Variants in KRT33B observed in about 807,000 individuals in gnomAD.
KRT33B encodes the protein keratin, type I cuticular Ha3-II.
In KRT33B, 37 loss-of-function variants were observed where a neutral mutation model predicts 42.7. The observed-to-expected ratio is 0.87, with a 90% confidence interval of 0.67 to 1.14. The LOEUF (loss-of-function observed/expected upper bound fraction) is 1.14. KRT33B is among the 50% of genes most tolerant of loss of function. The probability of loss-of-function intolerance (pLI) is 0.00; values close to 1 mark genes in which losing one functional copy is unlikely to be tolerated. For synonymous variants in KRT33B, 237 were observed against 221.2 expected, an observed-to-expected ratio of 1.07 and a Z score of -0.63; for missense variants, 523 against 515.1, an observed-to-expected ratio of 1.02 and a Z score of -0.15.
At position 41,369,765 on chromosome 17, in the gene KRT33B, G is replaced by C. The variant is rs199935732; in HGVS notation, c.-15C>G. The C allele has an allele frequency of 3.7e-4, 599 of 1,608,426 alleles. 3 individuals are homozygous for C. In the African/African-American group the frequency reaches 7.0e-3, roughly 19 times the overall value. The stretch of plus-strand genomic sequence containing the variant: ...TTGTAGGGCATGGTGCAGGGAGGCA[G>C]TGGAGCTCTGGAAGTCAGTTTCAAA... On this transcript the variant is annotated 5_prime_UTR_variant, in exon 1 of 7. Transcript: ENST00000251646.
In KRT33B at chr17:41,369,441, G is replaced by T. The variant is rs772594659; in HGVS notation, c.310C>A (p.Gln104Lys). 1 of 1,613,394 alleles carries T rather than the reference G, an allele frequency of 6.2e-7. No homozygotes were observed. The highest frequency in any genetic ancestry group is 1.3e-5 in the African/African-American group (1 of 74,234). The change falls in exon 1 of 7, where the codon CAG (glutamine) becomes AAG (lysine). Residue 104 changes from glutamine (Q) to lysine (K), a missense_variant. Physicochemically the swap from Gln to Lys is moderately conservative, Grantham distance 53. Transcript: ENST00000251646. The part of the protein sequence containing the change: ...QQEPLLCPSY[Q>K]SYFKTIEELQ... ...TCCTCAATGGTCTTGAAGTAGGACT[G>T]GTAGCTGGGGCACAGCAAGGGCTCC... is the stretch of plus-strand genomic sequence containing the variant.
In KRT33B at chr17:41,368,300, G is replaced by A. The variant is rs111878401; in HGVS notation, c.349-310C>T. ...TAACTTAGGACTGAGGGGTTTCTGG[G>A]ATGCTAAAATGGGAAAAATCCCAGG... On this transcript the variant is annotated intron_variant, in intron 1 of 6. Coordinates refer to ENST00000251646, the MANE Select transcript of KRT33B (RefSeq NM_002279.5). 7.3e-5 allele frequency among the ~76,000 whole-genome samples: 11 copies of A among 151,398 alleles called. 1 individual carries two copies. The highest frequency in any genetic ancestry group is 2.7e-4 in the African/African-American group (11 of 40,710).
At position 41,363,929 on chromosome 17, in the gene KRT33B, G is replaced by T. The variant is rs1198088498; in HGVS notation, c.1122C>A (p.Thr374=). The change falls in exon 7 of 7, where the codon ACC becomes ACA. Residue 374 remains threonine, a synonymous_variant. Transcript: ENST00000251646. The part of the protein sequence containing the change: ...DCKLPSNPCA[T]TNACEKPIGS... ...CAATGGGCTTTTCACATGCATTGGTGGTGGCGCAGGGGTTGGAGGGCAGCC... is the reference window on the plus strand; with the variant it reads ...CAATGGGCTTTTCACATGCATTGGTTGTGGCGCAGGGGTTGGAGGGCAGCC... 1 of 1,611,328 alleles carries T rather than the reference G, an allele frequency of 6.2e-7. No individual in the cohort carries two copies. The highest frequency in any genetic ancestry group is 8.5e-7 in the Non-Finnish European group (1 of 1,179,318).
In KRT33B at chr17:41,367,891, G is replaced by T; in HGVS notation, c.431+17C>A. Reference sequence around the variant, plus strand: ...CTGTCCGTTACTAGACTGCTCTGATGGTTAGGAAAATCTTACTTGGTTCTG... The same window carrying T: ...CTGTCCGTTACTAGACTGCTCTGATTGTTAGGAAAATCTTACTTGGTTCTG... On this transcript the variant is annotated intron_variant, in intron 2 of 6. Transcript: ENST00000251646. The T allele has an allele frequency of 2.5e-6, 4 of 1,610,128 alleles. No homozygotes were observed. Among genetic ancestry groups the T allele is most frequent in the Non-Finnish European group, 3.4e-6 (4 of 1,177,972 alleles).
chr17:41,366,683 G>A (rs528034073), intron 2 of KRT33B, 57 bp from the exon 3 acceptor site: 38 of 1,502,534 alleles, frequency 2.5e-5, no homozygotes, highest in African/African-American at 1.5e-4. Flanking sequence ...TTTGTTTCCC[G>A]GCCTTTACTT....
chr17:41,365,083 A>C (rs928722443), intron 5 of KRT33B, 84 bp from the exon 6 acceptor site: 1 of 1,608,416 alleles, frequency 6.2e-7, no homozygotes, highest in Admixed American at 1.7e-5. Flanking sequence ...ACAAGCTCCA[A>C]GAGCTAAGAA....
chr17:41,369,499 C>T lies in KRT33B; in HGVS notation c.252G>A (p.Leu84=), dbSNP rs375239564. The change falls in exon 1 of 7, where the codon CTG becomes CTA. Residue 84 remains leucine (L), a synonymous_variant. Transcript: ENST00000251646. ...VRQLERDNAE[L]ENLIRERSQQ... Reference sequence around the variant, plus strand: ...GAGACCGCTCCCGGATGAGGTTCTCCAGCTCCGCGTTGTCCCGCTCCAGCT... The same window carrying T: ...GAGACCGCTCCCGGATGAGGTTCTCTAGCTCCGCGTTGTCCCGCTCCAGCT... The T allele has an allele frequency of 1.9e-4, 309 of 1,613,860 alleles. No homozygotes were observed. The highest frequency in any genetic ancestry group is 3.0e-4 in the Admixed American group (18 of 60,010).
intron 3 of KRT33B, 25 bp from the exon 4 acceptor site, chr17:41,365,578 A>G (rs200255279): frequency 6.2e-7 from 1 of 1,603,710 alleles, no homozygotes; most frequent in African/African-American, 1.4e-5. Context: ...GGAAGAAATA[A>G]ACCCACAGAA....
Position 41,369,721 on chromosome 17 carries a change from C to T in KRT33B, c.30G>A (p.Leu10=), listed in dbSNP as rs1350056142. The change falls in exon 1 of 7, where the codon CTG becomes CTA. Residue 10 remains leucine, a synonymous_variant. Coordinates refer to ENST00000251646, the MANE Select transcript of KRT33B (RefSeq NM_002279.5). ...GGGAGGAGCAGCTGGTGCGGCAGCTCAGGCTGGGCAGGCAGAAGTTGTAGG... is the reference window on the plus strand; with the variant it reads ...GGGAGGAGCAGCTGGTGCGGCAGCTTAGGCTGGGCAGGCAGAAGTTGTAGG... MPYNFCLPS[L]SCRTSCSSRP... is the part of the protein sequence containing the mutation. 1 of 1,613,742 alleles carries T rather than the reference C, an allele frequency of 6.2e-7. No homozygotes were observed. Among genetic ancestry groups the T allele is most frequent in the Non-Finnish European group, 8.5e-7 (1 of 1,179,772 alleles).
intron 5 of KRT33B, 30 bp downstream of exon 5, chr17:41,365,145 C>G: frequency 6.2e-7 from 1 of 1,609,806 alleles, no homozygotes; most frequent in Non-Finnish European, 8.5e-7. Flanking sequence ...AAGTTCCCAT[C>G]GCTCACCAGC....
chr17:41,363,719 T>G lies in KRT33B; in HGVS notation c.*117A>C. 1 of 690,636 alleles carries G rather than the reference T, an allele frequency of 1.4e-6. No individual in the cohort carries two copies. The highest frequency in any genetic ancestry group is 2.6e-6 in the Non-Finnish European group (1 of 390,468). The allele number at this position is 690,636 out of a possible 1,614,324, so 42.8% of individuals were successfully genotyped here. ...GGGCATTTGTTCTCCTTCCAGACCATGATTTGTGGTGATGCCTCGGGGTGG... is the reference window on the plus strand; with the variant it reads ...GGGCATTTGTTCTCCTTCCAGACCAGGATTTGTGGTGATGCCTCGGGGTGG... On this transcript the variant is annotated 3_prime_UTR_variant, in exon 7 of 7. Coordinates refer to ENST00000251646, the MANE Select transcript of KRT33B (RefSeq NM_002279.5).
In KRT33B at chr17:41,369,493, G is replaced by A; in HGVS notation, c.258C>T (p.Asn86=). 1.9e-6 allele frequency: 3 copies of A among 1,613,924 alleles called. No individual in the cohort carries two copies. The highest frequency in any genetic ancestry group is 2.5e-6 in the Non-Finnish European group (3 of 1,180,052). Residue 86 remains asparagine, a synonymous_variant, in exon 1 of 7, where the codon AAC becomes AAT. Transcript: ENST00000251646. ...GCTGCTGAGACCGCTCCCGGATGAG[G>A]TTCTCCAGCTCCGCGTTGTCCCGCT... ...QLERDNAELE[N]LIRERSQQQE... is the part of the protein sequence containing the mutation.
In KRT33B at chr17:41,364,995, T is replaced by C; in HGVS notation, c.881A>G (p.Tyr294Cys). The C allele has an allele frequency of 6.2e-7, 1 of 1,613,076 alleles. No individual in the cohort carries two copies. Among genetic ancestry groups the C allele is most frequent in the Non-Finnish European group, 8.5e-7 (1 of 1,180,004 alleles). ...IELQAQHNLR[Y>C]SLENTLTESE... is the part of the protein sequence containing the mutation. Reference sequence around the variant, plus strand: ...CTCTGTCAGCGTGTTTTCCAGAGAGTATCGCTGTGGTGGGAAAGATCAGGA... The same window carrying C: ...CTCTGTCAGCGTGTTTTCCAGAGAGCATCGCTGTGGTGGGAAAGATCAGGA... The change falls in exon 6 of 7, where the codon TAC (tyrosine) becomes TGC (cysteine). Residue 294 changes from tyrosine (Y) to cysteine (C), a missense_variant. Transcript: ENST00000251646.
rs115050343 is a variant in KRT33B at position 41,368,385 on chromosome 17, C to T, written c.349-395G>A. Among the ~76,000 whole-genome samples, 878 of 151,316 alleles carry T rather than the reference C, an allele frequency of 5.8e-3. 60 individuals carry two copies. The highest frequency in any genetic ancestry group is 0.021 in the African/African-American group (845 of 40,624). ...ACCTGCTAACTTCTCTCCACTCTCC[C>T]CTCATATTGCCCTTGTTCATGCCTT... On this transcript the variant is annotated intron_variant, in intron 1 of 6. Transcript: ENST00000251646.
At position 41,365,299 on chromosome 17, in the gene KRT33B, G is replaced by T. The variant is rs748479432; in HGVS notation, c.752C>A (p.Thr251Asn). 8 of 1,612,654 alleles carry T rather than the reference G, an allele frequency of 5.0e-6. 1 individual carries two copies. Among genetic ancestry groups the T allele is most frequent in the Middle Eastern group, 3.5e-4 (2 of 5,744 alleles). ...TACCACCTGCTTGTTCAGCTCCTCGGTCTGAAACACCCAAGGGGAGAAAGG... is the reference window on the plus strand; with the variant it reads ...TACCACCTGCTTGTTCAGCTCCTCGTTCTGAAACACCCAAGGGGAGAAAGG... ...REVEQWFATQTEELNKQVVSS... is the reference protein window; with the variant it reads ...REVEQWFATQNEELNKQVVSS... Residue 251 changes from threonine (T) to asparagine (N), a missense_variant and splice_region_variant, in exon 5 of 7, where the codon ACC (threonine) becomes AAC (asparagine). Coordinates refer to ENST00000251646, the MANE Select transcript of KRT33B (RefSeq NM_002279.5).
rs2017657265 is a variant in KRT33B, at chr17:41,363,890, G to A, written c.1161C>T (p.Thr387=). The change falls in exon 7 of 7, where the codon ACC becomes ACT. Residue 387 remains threonine (T), a synonymous_variant. Transcript: ENST00000251646. ...ACEKPIGSCV[T]NPCGPRSRCG... ...AGCGGGAACGAGGACCACAAGGATT[G>A]GTGACACAGGATCCAATGGGCTTTT... The A allele has an allele frequency of 1.2e-6, 2 of 1,611,904 alleles. No individual in the cohort carries two copies. Among genetic ancestry groups the A allele is most frequent in the South Asian group, 1.1e-5 (1 of 90,770 alleles).
chr17:41,366,746 T>C, intron 2 of KRT33B, 120 bp from the exon 3 acceptor site: 1 of 1,073,648 alleles, frequency 9.3e-7, no homozygotes, highest in Non-Finnish European at 1.3e-6. Context: ...TTTAAAAAAT[T>C]AAGGGAGAAA....
At position 41,363,726 on chromosome 17, in the gene KRT33B, T is replaced by C. The variant is rs550399435; in HGVS notation, c.*110A>G. On this transcript the variant is annotated 3_prime_UTR_variant, in exon 7 of 7. Coordinates refer to ENST00000251646, the MANE Select transcript of KRT33B (RefSeq NM_002279.5). ...TGTTCTCCTTCCAGACCATGATTTG[T>C]GGTGATGCCTCGGGGTGGGGTCCGG... 42 of 720,902 alleles carry C rather than the reference T, an allele frequency of 5.8e-5. No individual in the cohort carries two copies. The South Asian group carries it at 7.4e-4, about 13-fold the overall frequency. 44.7% of individuals were successfully genotyped at this position (720,902 alleles called of 1,614,324 possible).
rs780263972 is a variant in KRT33B at position 41,368,002 on chromosome 17, A to T, written c.349-12T>A. The T allele has an allele frequency of 4.3e-5, 70 of 1,612,208 alleles. No homozygotes were observed. Among genetic ancestry groups the T allele is most frequent in the Non-Finnish European group, 5.3e-5 (63 of 1,179,508 alleles). On this transcript the variant is annotated splice_polypyrimidine_tract_variant and intron_variant, in intron 1 of 6. Coordinates refer to ENST00000251646, the MANE Select transcript of KRT33B (RefSeq NM_002279.5). Reference sequence around the variant, plus strand: ...TTGCTGCACAGGATCTGGGGATAGGATTAATCATGAAATGGGTTATACTAA... The same window carrying T: ...TTGCTGCACAGGATCTGGGGATAGGTTTAATCATGAAATGGGTTATACTAA...
Sources: gnomAD v4.1 joint callset for allele counts (sites outside exome capture counted in the v4.1 genomes callset) on GRCh38, gnomAD v4.1.1 for gene constraint, MANE v1.5 for transcripts, NCBI Gene and HGNC (gene_info 2026-07-23, HGNC 2026-07-21) for gene names.